The following DOCK8 variants were observed in gnomAD, a reference collection of about 807,000 sequenced individuals.
DOCK8 encodes dedicator of cytokinesis protein 8.
Under a neutral mutation model 245.6 loss-of-function variants are expected in DOCK8, and 141 were observed. The observed-to-expected ratio is 0.57, with a 90% CI of 0.50 to 0.66. DOCK8 has a LOEUF of 0.66. DOCK8 is among the 30% of genes least tolerant of loss of function. The probability of loss-of-function intolerance (pLI) is 0.00; values close to 1 mark genes in which losing one functional copy is unlikely to be tolerated. For missense variants in DOCK8, 2,965 were observed against 2,603.4 expected (o/e 1.14, Z -3.02); for synonymous variants, 1,168 against 970.2 (o/e 1.20, Z -3.79).
chr9:415,464 A>G (rs1415982946), intron 29 of DOCK8, among the ~76,000 whole-genome samples: 1 of 152,190 alleles, frequency 6.6e-6, no homozygotes, highest in African/African-American at 2.4e-5. Context: ...CTAAGTGACT[A>G]ATTTTGAGGT....
chr9:344,701 A>G (rs2051785433), intron 14 of DOCK8, among the ~76,000 whole-genome samples: 1 of 152,060 alleles, frequency 6.6e-6, no homozygotes, highest in African/African-American at 2.4e-5. Context: ...CTCTAAACTC[A>G]TTTGCTATGG....
Position 399,265 on chromosome 9 carries a change from TG to T in DOCK8, c.3234+7del. The T allele has an allele frequency of 6.3e-7, 1 of 1,595,090 alleles. No homozygotes were observed. Among genetic ancestry groups the T allele is most frequent in the African/African-American group, 1.4e-5 (1 of 69,788 alleles). On this transcript the variant is annotated splice_region_variant and intron_variant, in intron 26 of 47. Transcript: ENST00000432829. ...TCAGACATTATTGCAGCCAGGTGAG[TG>T]TCCCCCCCACCCCCACCCCCGAGCG...
chr9:328,941 CTTTTTTTTT>C (rs1165346763), intron 9 of DOCK8, among the ~76,000 whole-genome samples: 9 of 71,402 alleles, frequency 1.3e-4, no homozygotes, highest in Non-Finnish European at 2.2e-4. Context: ...CTTATTGATT[CTTTTTTTTT>C]TTTTTTTTTT....
At chr9:452,554 C>G (rs1358422074) in intron 46 of DOCK8, 2 of 157,654 alleles carry the variant, frequency 1.3e-5, no homozygotes, top group African/African-American at 4.8e-5. Context: ...GAGCTCAAAC[C>G]AGGTCTTCTG....
chr9:442,872 G>A (rs1170126237), intron 42 of DOCK8, among the ~76,000 whole-genome samples: 1 of 152,076 alleles, frequency 6.6e-6, no homozygotes, highest in Non-Finnish European at 1.5e-5. Flanking sequence ...TAATGGCTTC[G>A]TACACTCTCC....
intron 1 of DOCK8, among the ~76,000 whole-genome samples, chr9:263,221 A>AC (rs199711844): frequency 1.3e-5 from 2 of 151,676 alleles, no homozygotes; most frequent in African/African-American, 4.8e-5. Flanking sequence ...GGAAAAAAAA[A>AC]AAACCTGATA....
In DOCK8 at chr9:346,404, C is replaced by T. The variant is rs150499013; in HGVS notation, c.1679+6083C>T. On this transcript the variant is annotated intron_variant, in intron 14 of 47. Coordinates refer to ENST00000432829, the MANE Select transcript of DOCK8 (RefSeq NM_203447.4). ...AGGTCTTCAAGGGCATCCTATCCTG[C>T]GGCCGCCAGAGGGGTATGTGCGGAG... is the stretch of plus-strand genomic sequence containing the variant. Among the ~76,000 whole-genome samples the T allele has an allele frequency of 5.5e-3, 842 of 152,254 alleles. 17 individuals are homozygous for T. In the East Asian group the frequency reaches 0.062, roughly 11 times the overall value.
chr9:377,011 A>G lies in DOCK8; in HGVS notation c.2240A>G (p.His747Arg). 1 of 1,613,896 alleles carries G rather than the reference A, an allele frequency of 6.2e-7. No individual in the cohort carries two copies. Among genetic ancestry groups the G allele is most frequent in the East Asian group, 2.2e-5 (1 of 44,860 alleles). The change falls in exon 20 of 48, where the codon CAC (histidine) becomes CGC (arginine). Residue 747 changes from histidine (H) to arginine (R), a missense_variant. Coordinates refer to ENST00000432829, the MANE Select transcript of DOCK8 (RefSeq NM_203447.4). ...CTGGAGAAGTTCTTCACCCTCTGCC[A>G]CTCCCTGGAGAGCCAGGTGACCTTC... is the stretch of plus-strand genomic sequence containing the variant. ...NHLEKFFTLC[H>R]SLESQVTFPI...
intron 4 of DOCK8, among the ~76,000 whole-genome samples, chr9:292,489 A>G (rs186446734): frequency 6.8e-5 from 10 of 146,094 alleles, no homozygotes; most frequent in African/African-American, 2.5e-4. Flanking sequence ...ATTTTATTTG[A>G]TAAAAGGTTG....
At chr9:360,654 A>T (rs953832817) in intron 14 of DOCK8, among the ~76,000 whole-genome samples, 9 of 152,200 alleles carry the variant, frequency 5.9e-5, no homozygotes, top group African/African-American at 2.2e-4. Context: ...TCATATTTTT[A>T]GAGCCAATAA....
At chr9:353,693 C>T (rs565865325) in intron 14 of DOCK8, among the ~76,000 whole-genome samples, 1 of 152,242 alleles carries the variant, frequency 6.6e-6, no homozygotes, top group South Asian at 2.1e-4. Context: ...AAGAAAAATA[C>T]AGCATAGTCC....
chr9:344,450 G>A (rs1160949494), intron 14 of DOCK8, among the ~76,000 whole-genome samples: 4 of 152,098 alleles, frequency 2.6e-5, no homozygotes, highest in African/African-American at 4.8e-5. Flanking sequence ...TCCCAGATGA[G>A]TGTCCCCTTT....
At chr9:233,692 C>A (rs1432991382) in intron 1 of DOCK8, among the ~76,000 whole-genome samples, 1 of 152,254 alleles carries the variant, frequency 6.6e-6, no homozygotes, top group Non-Finnish European at 1.5e-5. Flanking sequence ...GGTTGAAAGT[C>A]TGTTTCATCA....
chr9:383,065 T>TA (rs1175473771), intron 22 of DOCK8, among the ~76,000 whole-genome samples: 2 of 51,014 alleles, frequency 3.9e-5, no homozygotes, highest in Non-Finnish European at 5.2e-5. Flanking sequence ...ACCTACCTCT[T>TA]ACGTTCATTA....
At chr9:371,958 A>G (rs1563976863) in intron 17 of DOCK8, among the ~76,000 whole-genome samples, 1 of 152,220 alleles carries the variant, frequency 6.6e-6, no homozygotes, top group Non-Finnish European at 1.5e-5. Flanking sequence ...GGCTACAGAG[A>G]AAAATGCTAC....
chr9:294,887 T>C (rs1356331706), intron 4 of DOCK8, among the ~76,000 whole-genome samples: 1 of 152,148 alleles, frequency 6.6e-6, no homozygotes, highest in Non-Finnish European at 1.5e-5. Flanking sequence ...AGGCCGGGCA[T>C]GGTGGCTCAT....
rs1330721494 is a variant in DOCK8, at chr9:244,209, AT to A, written c.54-27414del. On this transcript the variant is annotated intron_variant, in intron 1 of 47. Coordinates refer to ENST00000432829, the MANE Select transcript of DOCK8 (RefSeq NM_203447.4). ...TCTGAAAAAAAAAAAAAAAAAAAAA[AT>A]TTTAGCTCTCAAAGTTTTCCTCCAT... is the stretch of plus-strand genomic sequence containing the variant. Among the ~76,000 whole-genome samples the A allele has an allele frequency of 1.3e-3, 159 of 119,832 alleles. 4 individuals carry two copies. Among genetic ancestry groups the A allele is most frequent in the Middle Eastern group, 4.2e-3 (1 of 238 alleles). 78.6% of individuals were successfully genotyped at this position (119,832 alleles called of 152,430 possible).
intron 2 of DOCK8, among the ~76,000 whole-genome samples, chr9:272,239 C>A (rs780160456): frequency 6.6e-6 from 1 of 152,094 alleles, no homozygotes; most frequent in African/African-American, 2.4e-5. Context: ...AGATATAGAA[C>A]ACTTCTTTTA....
At chr9:442,096 G>C in intron 42 of DOCK8, 87 bp downstream of exon 42, 2 of 1,561,182 alleles carry the variant, frequency 1.3e-6, no homozygotes, top group Admixed American at 1.7e-5. Flanking sequence ...AACAAATAAA[G>C]AGTTATGGAT....
Sources: gnomAD v4.1 joint callset for allele counts (sites outside exome capture counted in the v4.1 genomes callset) on GRCh38, gnomAD v4.1.1 for gene constraint, MANE v1.5 for transcripts, NCBI Gene and HGNC (gene_info 2026-07-23, HGNC 2026-07-21) for gene names.